Variants in DUSP22 observed in about 807,000 individuals in gnomAD.
DUSP22 encodes the protein dual specificity phosphatase 22, also known as dual specificity protein phosphatase 22.
A neutral mutation model predicts 24.5 loss-of-function variants in DUSP22; 24 were observed. The observed-to-expected ratio is 0.98, with a 90% CI of 0.71 to 1.38. The LOEUF (loss-of-function observed/expected upper bound fraction) is 1.38. DUSP22 is among the 40% of genes most tolerant of loss of function. DUSP22 has a pLI of 0.00. For synonymous variants in DUSP22, 160 were observed against 106.4 expected (o/e 1.50, Z -3.10); for missense variants, 330 against 269.2 (o/e 1.23, Z -1.58).
In DUSP22 at chr6:347,029, AGT is replaced by A. The variant is rs1265312053; in HGVS notation, c.264-1071_264-1070del. On this transcript the variant is annotated intron_variant, in intron 5 of 6. Coordinates refer to ENST00000419235, the MANE Select transcript of DUSP22 (RefSeq NM_001286555.3). The stretch of plus-strand genomic sequence containing the variant: ...CATCTCACTTTTTTAAAGAGTAGAA[AGT>A]GTAATAAATACAAATGGTAGGATTT... 4.6e-5 allele frequency among the ~76,000 whole-genome samples: 7 copies of A among 152,428 alleles called. No homozygotes were observed. In the East Asian group the frequency reaches 1.3e-3, roughly 29 times the overall value.
chr6:324,293 G>T (rs1758745724), intron 3 of DUSP22, among the ~76,000 whole-genome samples: 1 of 152,306 alleles, frequency 6.6e-6, no homozygotes, highest in Non-Finnish European at 1.5e-5. Context: ...CGTGGAGAGG[G>T]TGGAGGGCTT....
intron 4 of DUSP22, among the ~76,000 whole-genome samples, chr6:341,253 G>A (rs1186624176): frequency 6.6e-6 from 1 of 152,306 alleles, no homozygotes; most frequent in Non-Finnish European, 1.5e-5. Context: ...ACACGGCTGT[G>A]CGTGGACGTA....
At chr6:302,315 G>A (rs1227120893) in intron 1 of DUSP22, among the ~76,000 whole-genome samples, 1 of 152,308 alleles carries the variant, frequency 6.6e-6, no homozygotes, top group Non-Finnish European at 1.5e-5. Context: ...TTGGAGTCTG[G>A]ATAGTGGCCA....
chr6:317,243 G>T (rs1228398898), intron 3 of DUSP22, among the ~76,000 whole-genome samples: 2 of 152,306 alleles, frequency 1.3e-5, no homozygotes, highest in Non-Finnish European at 2.9e-5. Flanking sequence ...TTTTTCCCCG[G>T]GTCAGTGCCC....
At chr6:298,187 A>G (rs1047288467) in intron 1 of DUSP22, among the ~76,000 whole-genome samples, 1 of 152,308 alleles carries the variant, frequency 6.6e-6, no homozygotes, top group African/African-American at 2.4e-5. Context: ...TGTTAAAGGC[A>G]GTGTTCTAAG....
chr6:303,399 C>G (rs919351875), intron 1 of DUSP22, among the ~76,000 whole-genome samples: 1 of 152,310 alleles, frequency 6.6e-6, no homozygotes, highest in South Asian at 2.1e-4. Flanking sequence ...GGGCCTAGCA[C>G]TGCCGCCCTG....
At chr6:335,510 G>T (rs892452119) in intron 4 of DUSP22, among the ~76,000 whole-genome samples, 5 of 152,298 alleles carry the variant, frequency 3.3e-5, no homozygotes, top group African/African-American at 1.2e-4. Flanking sequence ...CTAAAGCAGC[G>T]CTGTCCAATA....
In DUSP22 at chr6:349,638, T is replaced by C; in HGVS notation, c.*687T>C. The C allele has an allele frequency of 1.0e-6, 1 of 986,506 alleles. No homozygotes were observed. 61.1% of individuals were successfully genotyped at this position (986,506 alleles called of 1,614,324 possible). A position where few individuals can be genotyped will look rare whatever the true frequency, so the allele number is the denominator to read the frequency against. On this transcript the variant is annotated 3_prime_UTR_variant, in exon 7 of 7. Coordinates refer to ENST00000419235, the MANE Select transcript of DUSP22 (RefSeq NM_001286555.3). ...TGGGGCCCTGGAAAACGTGAGAGAC[T>C]GCCCTGAGCTGGTCCAGTGGGCCAG...
chr6:324,514 G>A (rs1370727582), intron 3 of DUSP22, among the ~76,000 whole-genome samples: 7 of 152,300 alleles, frequency 4.6e-5, no homozygotes, highest in African/African-American at 1.4e-4. Context: ...CAGAAGAGCC[G>A]CTGTTCTCAT....
intron 4 of DUSP22, 76 bp from the exon 5 acceptor site, chr6:345,778 C>A (rs968983515): frequency 2.4e-5 from 37 of 1,535,168 alleles, no homozygotes; most frequent in Non-Finnish European, 3.2e-5. Flanking sequence ...AAGAAAGAAG[C>A]CTCAGGTAGA....
At position 348,824 on chromosome 6, in the gene DUSP22, A is replaced by G. The variant is rs1211411828; in HGVS notation, c.491A>G (p.Glu164Gly). ...YGESPLQDAE[E>G]AKNILGKYKE... is the part of the protein sequence containing the mutation. Reference sequence around the variant, plus strand: ...GAGAGCCCTTTGCAGGATGCAGAAGAAGCCAAAAACATTCTGGGTAAATAT... The same window carrying G: ...GAGAGCCCTTTGCAGGATGCAGAAGGAGCCAAAAACATTCTGGGTAAATAT... The change falls in exon 7 of 7, where the codon GAA (glutamate) becomes GGA (glycine). Residue 164 changes from glutamate (E) to glycine (G), a missense_variant. Coordinates refer to ENST00000419235, the MANE Select transcript of DUSP22 (RefSeq NM_001286555.3). 1.9e-6 allele frequency: 3 copies of G among 1,614,200 alleles called. No individual in the cohort carries two copies. Among genetic ancestry groups the G allele is most frequent in the African/African-American group, 2.7e-5 (2 of 74,968 alleles).
At chr6:303,532 C>G (rs1330128746) in intron 1 of DUSP22, among the ~76,000 whole-genome samples, 3 of 152,306 alleles carry the variant, frequency 2.0e-5, no homozygotes, top group Non-Finnish European at 4.4e-5. Flanking sequence ...ACTACAGGCT[C>G]TTTGGACTTC....
At chr6:310,214 G>A (rs1758012717) in intron 2 of DUSP22, among the ~76,000 whole-genome samples, 1 of 152,298 alleles carries the variant, frequency 6.6e-6, no homozygotes, top group Non-Finnish European at 1.5e-5. Flanking sequence ...GCCCGTCGCG[G>A]CCTCCCAAAG....
intron 4 of DUSP22, among the ~76,000 whole-genome samples, chr6:339,451 G>C (rs1056707496): frequency 5.3e-5 from 8 of 152,302 alleles, no homozygotes; most frequent in Non-Finnish European, 8.8e-5. Flanking sequence ...GAAAGTGAAT[G>C]GTTAGATGCA....
chr6:318,769 G>A (rs1051368854), intron 3 of DUSP22, among the ~76,000 whole-genome samples: 14 of 152,304 alleles, frequency 9.2e-5, no homozygotes, highest in East Asian at 3.8e-4. Flanking sequence ...TCATGGCAGC[G>A]CTGTTTGTAA....
At chr6:347,187 C>A (rs1282855198) in intron 5 of DUSP22, among the ~76,000 whole-genome samples, 1 of 152,310 alleles carries the variant, frequency 6.6e-6, no homozygotes, top group Non-Finnish European at 1.5e-5. Flanking sequence ...GGGTTGCAGC[C>A]CCAGAGGATC....
intron 2 of DUSP22, among the ~76,000 whole-genome samples, chr6:307,398 CT>C (rs1757859648): frequency 6.6e-6 from 1 of 152,274 alleles, no homozygotes; most frequent in South Asian, 2.1e-4. Context: ...CTCTGCAACT[CT>C]TAAGAAAAAA....
At position 348,876 on chromosome 6, in the gene DUSP22, G is replaced by A. The variant is rs528978760; in HGVS notation, c.543G>A (p.Gln181=). ...KYKEQGRTEP[Q]PGARRWSSFP... is the part of the protein sequence containing the mutation. ...AGGAGCAAGGGCGCACAGAGCCCCA[G>A]CCCGGCGCCAGGCGGTGGAGCAGTT... is the stretch of plus-strand genomic sequence containing the variant. The change falls in exon 7 of 7, where the codon CAG becomes CAA. Residue 181 remains glutamine, a synonymous_variant. Coordinates refer to ENST00000419235, the MANE Select transcript of DUSP22 (RefSeq NM_001286555.3). 1.2e-6 allele frequency: 2 copies of A among 1,614,252 alleles called. No homozygotes were observed. Among genetic ancestry groups the A allele is most frequent in the African/African-American group, 1.3e-5 (1 of 75,090 alleles).
intron 3 of DUSP22, among the ~76,000 whole-genome samples, chr6:324,960 T>G (rs1270908745): frequency 6.6e-6 from 1 of 152,304 alleles, no homozygotes; most frequent in African/African-American, 2.4e-5. Context: ...GAGCTGTGTT[T>G]AAGGCAGGCT....
Sources: allele counts gnomAD v4.1 joint callset (sites outside exome capture counted in the v4.1 genomes callset), GRCh38; gene constraint gnomAD v4.1.1; transcripts MANE v1.5; gene names NCBI Gene and HGNC (gene_info 2026-07-23, HGNC 2026-07-21).